Variants in MYO15B observed in about 807,000 individuals in gnomAD.
The protein encoded by MYO15B is myosin XVB pseudogene.
A neutral mutation model predicts 119.3 loss-of-function variants in MYO15B; 207 were observed. The ratio of observed to expected loss-of-function variants is 1.73; its 90% CI spans 1.55 to 1.95. MYO15B has a LOEUF of 1.95. MYO15B is among the 30% of genes most tolerant of loss of function. The probability of loss-of-function intolerance (pLI) is 0.00; values close to 1 mark genes in which losing one functional copy is unlikely to be tolerated. For synonymous variants in MYO15B, 966 were observed against 498.9 expected (o/e 1.94, Z -12.48); for missense variants, 2,264 against 1,203.1 (o/e 1.88, Z -13.04).
At chr17:75,616,136 T>G in exon 37 of MYO15B, 1 of 562,404 alleles carries the variant, frequency 1.8e-6, no homozygotes, top group African/African-American at 1.9e-5. Flanking sequence ...CGGAACTATT[T>G]CCAGAGGATG....
intron 9 of MYO15B, among the ~76,000 whole-genome samples, chr17:75,593,222 G>T (rs945023765): frequency 2.6e-5 from 3 of 116,062 alleles, no homozygotes; most frequent in East Asian, 6.1e-4. Context: ...AAAAAAAAAG[G>T]GTTGGCGGTG....
At chr17:75,590,572 C>T (rs1018475798) in intron 1 of MYO15B, 54 bp from the exon 2 acceptor site, 4 of 283,118 alleles carry the variant, frequency 1.4e-5, no homozygotes, top group African/African-American at 8.7e-5. Flanking sequence ...CAGAACTAAC[C>T]CACAACCTCC....
intron 4 of MYO15B, 33 bp from the exon 5 acceptor site, chr17:75,591,568 C>T (rs1193426341): frequency 1.4e-6 from 1 of 702,586 alleles, no homozygotes; most frequent in African/African-American, 1.7e-5. Context: ...ATGTGCCCCT[C>T]CCTGGAGACC....
At chr17:75,603,881 C>T (rs752148890) in intron 19 of MYO15B, among the ~76,000 whole-genome samples, 115 of 152,172 alleles carry the variant, frequency 7.6e-4, no homozygotes, top group Non-Finnish European at 8.8e-4. Context: ...TGGGAATCCT[C>T]TGAAGGGCTG....
chr17:75,619,392 C>G, exon 45 of MYO15B: 1 of 702,738 alleles, frequency 1.4e-6, no homozygotes, highest in Non-Finnish European at 2.6e-6. Flanking sequence ...CTCTCACCAC[C>G]ACCGAAGACA....
exon 31 of MYO15B, chr17:75,614,638 C>T (rs1284356788): frequency 4.3e-6 from 3 of 700,800 alleles, no homozygotes; most frequent in East Asian, 2.7e-5. Flanking sequence ...GCCCCCAGGA[C>T]CCCCTCCAGG....
exon 33 of MYO15B, chr17:75,614,972 A>C: frequency 1.4e-6 from 1 of 703,068 alleles, no homozygotes; most frequent in Non-Finnish European, 2.6e-6. Context: ...ATCTGGAACA[A>C]AGCTGGGCTC....
chr17:75,601,707 C>G (rs1182587899), intron 15 of MYO15B, 144 bp downstream of exon 15: 1 of 611,088 alleles, frequency 1.6e-6, no homozygotes, highest in African/African-American at 1.8e-5. Flanking sequence ...GCCATGGGCC[C>G]TGCCCAGTTC....
rs75275897 is a variant in MYO15B, at chr17:75,589,472, A to G, written c.1415A>G (p.Glu472Gly). 0.087 allele frequency: 34,362 copies of G among 394,182 alleles called. 1,678 individuals are homozygous for G. Among genetic ancestry groups the G allele is most frequent in the Middle Eastern group, 0.15 (240 of 1,588 alleles). 24.4% of individuals were successfully genotyped at this position (394,182 alleles called of 1,614,324 possible). The change falls in exon 1 of 64, where the codon GAG (glutamate) becomes GGG (glycine). Residue 472 changes from glutamate (E) to glycine (G), a missense_variant. Glu to Gly is a moderately conservative substitution (Grantham distance 98). Transcript: ENST00000645453. This position sits in a 1 kb window ranked among gnomAD's most constrained non-coding sequence, Gnocchi z 4.2. ...AAAGCGGACGAGGGGCGGGGTCACG[A>G]GAGAGGTGACGAGGGCCGGGACCAC...
chr17:75,619,999 AT>A lies in MYO15B; in HGVS notation c.7424del (p.Phe2475SerfsTer2). ...GGGCCATCGAGGCGCTGGTTGAGCT[AT>A]TCCTGAATGAGCTTAAGAAGGTAAG... On this transcript the variant is annotated frameshift_variant, in exon 47 of 64. Coordinates refer to ENST00000645453, the Ensembl canonical transcript of MYO15B. LOFTEE classifies it high-confidence loss of function. 1 of 702,404 alleles carries A rather than the reference AT, an allele frequency of 1.4e-6. No individual in the cohort carries two copies. Among genetic ancestry groups the A allele is most frequent in the Non-Finnish European group, 2.6e-6 (1 of 384,724 alleles). 43.5% of individuals were successfully genotyped at this position (702,404 alleles called of 1,614,324 possible).
intron 14 of MYO15B, among the ~76,000 whole-genome samples, chr17:75,597,864 C>A (rs2056970916): frequency 6.6e-6 from 1 of 152,136 alleles, no homozygotes; most frequent in African/African-American, 2.4e-5. Context: ...TGCAGTGAGC[C>A]ATGATCATGC....
At chr17:75,609,779 C>G (rs2057901088) in intron 21 of MYO15B, among the ~76,000 whole-genome samples, 1 of 147,906 alleles carries the variant, frequency 6.8e-6, no homozygotes, top group South Asian at 2.2e-4. Flanking sequence ...GATCTCGGCT[C>G]ACTTGAATCT....
rs989988125 is a variant in MYO15B at position 75,620,101 on chromosome 17, G to A, written c.7443+81G>A. Reference sequence around the variant, plus strand: ...TCTCCCTGTCCGTCTTCCCTGTGGGGGCAGGGGCTGGGAGTTTGGGCCAAA... The same window carrying A: ...TCTCCCTGTCCGTCTTCCCTGTGGGAGCAGGGGCTGGGAGTTTGGGCCAAA... On this transcript the variant is annotated intron_variant, in intron 47 of 63. Transcript: ENST00000645453. 5.4e-5 allele frequency: 36 copies of A among 671,662 alleles called. No homozygotes were observed. In the African/African-American group the frequency reaches 5.4e-4, roughly 10 times the overall value. The allele number at this position is 671,662 out of a possible 1,614,324, so 41.6% of individuals were successfully genotyped here. A position where few individuals can be genotyped will look rare whatever the true frequency, so the allele number is the denominator to read the frequency against.
At chr17:75,614,011 T>C (rs538983360) in intron 29 of MYO15B, 188 bp from the exon 30 acceptor site, 4 of 599,674 alleles carry the variant, frequency 6.7e-6, no homozygotes, top group Non-Finnish European at 1.2e-5. Context: ...GCTGGAGCCC[T>C]TGTGGAAGTG....
At chr17:75,624,974 G>C in intron 59 of MYO15B, 58 bp downstream of exon 59, 1 of 690,602 alleles carries the variant, frequency 1.4e-6, no homozygotes. Flanking sequence ...TTCCTGCCTG[G>C]GCGACCTCCA....
At chr17:75,606,266 C>T (rs1862735134) in intron 21 of MYO15B, among the ~76,000 whole-genome samples, 1 of 152,082 alleles carries the variant, frequency 6.6e-6, no homozygotes, top group African/African-American at 2.4e-5. Context: ...GTGGTCCTGA[C>T]TCCTTTATCA....
intron 21 of MYO15B, chr17:75,607,030 G>A (rs1329238995): frequency 2.5e-6 from 1 of 398,348 alleles, no homozygotes; most frequent in Non-Finnish European, 4.4e-6. Context: ...TGCCAGAGAC[G>A]GGGCCTCCCA....
At position 75,613,788 on chromosome 17, in the gene MYO15B, C is replaced by T. The variant is rs1035351559; in HGVS notation, c.5219+11C>T. The T allele has an allele frequency of 2.0e-5, 14 of 698,832 alleles. No homozygotes were observed. Among genetic ancestry groups the T allele is most frequent in the African/African-American group, 5.3e-5 (3 of 57,132 alleles). 43.3% of individuals were successfully genotyped at this position (698,832 alleles called of 1,614,324 possible). ...GATCCTGCAGAGCAGGTATGGGGAC[C>T]GGGGATGGGGGACAGTGTGGCCAAA... is the stretch of plus-strand genomic sequence containing the variant. On this transcript the variant is annotated intron_variant, in intron 29 of 63. Transcript: ENST00000645453.
At chr17:75,590,142 G>A in exon 1 of MYO15B, 1 of 399,108 alleles carries the variant, frequency 2.5e-6, no homozygotes, top group Non-Finnish European at 4.4e-6. Flanking sequence ...GGGACCTGGA[G>A]CTGAGCCTCC....
Sources: gnomAD v4.1 joint callset for allele counts (sites outside exome capture counted in the v4.1 genomes callset) on GRCh38, gnomAD v4.1.1 for gene constraint, Gnocchi (gnomAD v3.1) non-coding constraint, MANE v1.5 for transcripts, NCBI Gene and HGNC (gene_info 2026-07-23, HGNC 2026-07-21) for gene names.